HDAC9: variants seen among roughly 807,000 people sequenced by gnomAD.
The protein encoded by HDAC9 is histone deacetylase 9.
Under a neutral mutation model 139.4 loss-of-function variants are expected in HDAC9, and 41 were observed. The ratio of observed to expected loss-of-function variants is 0.29; its 90% CI spans 0.23 to 0.38. The LOEUF (loss-of-function observed/expected upper bound fraction) is 0.38, where lower values mean the gene tolerates loss of function less well. HDAC9 is among the 10% of genes least tolerant of loss of function. The probability of loss-of-function intolerance (pLI) is 1.00; values close to 1 mark genes in which losing one functional copy is unlikely to be tolerated. For synonymous variants in HDAC9, 517 were observed against 476.2 expected (o/e 1.09, Z -1.12); for missense variants, 1,147 against 1,297.0 (o/e 0.88, Z 1.78).
chr7:18,666,079 A>G (rs999596851), intron 11 of HDAC9, 134 bp from the exon 12 acceptor site: 6 of 976,164 alleles, frequency 6.1e-6, no homozygotes, highest in East Asian at 2.6e-5. Context: ...CTTGTTGCCT[A>G]CAAGTTCATT....
At chr7:18,919,563 T>C (rs928292383) in intron 22 of HDAC9, among the ~76,000 whole-genome samples, 1 of 151,992 alleles carries the variant, frequency 6.6e-6, no homozygotes, top group Non-Finnish European at 1.5e-5. Flanking sequence ...AACCCATTGA[T>C]GTAAATTCAT....
chr7:18,942,388 G>A (rs989304250), intron 23 of HDAC9, among the ~76,000 whole-genome samples: 3 of 151,976 alleles, frequency 2.0e-5, no homozygotes, highest in Admixed American at 1.3e-4. Context: ...TTTTGGTAGA[G>A]GAGAGGTATG....
At chr7:18,194,995 T>C (rs1790625907) in intron 2 of HDAC9, among the ~76,000 whole-genome samples, 1 of 152,076 alleles carries the variant, frequency 6.6e-6, no homozygotes, top group Admixed American at 6.6e-5. Flanking sequence ...GAAAGGTTGG[T>C]TTAAGAGTTC....
rs375299964 is a variant in HDAC9 at position 18,525,957 on chromosome 7, A to G, written c.22+29633A>G. Among the ~76,000 whole-genome samples, 21 of 152,306 alleles carry G rather than the reference A, an allele frequency of 1.4e-4. No homozygotes were observed. In the East Asian group the frequency reaches 4.1e-3, roughly 29 times the overall value. On this transcript the variant is annotated intron_variant, in intron 2 of 25. Coordinates refer to ENST00000686413, the MANE Select transcript of HDAC9 (RefSeq NM_178425.4). ...CAGCAGTCCACATTCTCTCACCACC[A>G]AAGACATAATGTCTTGTGGCTTCCC...
chr7:18,928,849 G>C (rs529249662), intron 22 of HDAC9, among the ~76,000 whole-genome samples: 23 of 151,714 alleles, frequency 1.5e-4, no homozygotes, highest in African/African-American at 5.3e-4. Flanking sequence ...TCAAATAAAA[G>C]ATAACACTTT....
At chr7:18,666,156 C>T in intron 11 of HDAC9, 57 bp from the exon 12 acceptor site, 1 of 1,498,894 alleles carries the variant, frequency 6.7e-7, no homozygotes, top group South Asian at 1.3e-5. Flanking sequence ...GTGTAATTTG[C>T]TTCTCTGTTA....
At chr7:18,505,007 G>T (rs1458806795) in intron 2 of HDAC9, among the ~76,000 whole-genome samples, 1 of 152,162 alleles carries the variant, frequency 6.6e-6, no homozygotes, top group African/African-American at 2.4e-5. Flanking sequence ...GCACAAATAG[G>T]CAAGCATGTT....
intron 1 of HDAC9, among the ~76,000 whole-genome samples, chr7:18,400,815 C>G (rs775762374): frequency 3.9e-5 from 6 of 152,184 alleles, no homozygotes; most frequent in Non-Finnish European, 8.8e-5. Flanking sequence ...CAGTGACATT[C>G]CCCTTCAAAA....
chr7:18,170,759 T>C (rs899857522), intron 2 of HDAC9, among the ~76,000 whole-genome samples: 1 of 152,314 alleles, frequency 6.6e-6, no homozygotes, highest in Non-Finnish European at 1.5e-5. Flanking sequence ...TGGTTGTAGA[T>C]GTGTGGTGTT....
At chr7:18,148,547 C>T (rs754976263) in intron 1 of HDAC9, among the ~76,000 whole-genome samples, 1 of 152,190 alleles carries the variant, frequency 6.6e-6, no homozygotes, top group Non-Finnish European at 1.5e-5. Flanking sequence ...ACCTCCGCCT[C>T]CCGGGCTCAT....
intron 24 of HDAC9, among the ~76,000 whole-genome samples, chr7:18,972,641 A>G (rs1205712736): frequency 6.6e-6 from 1 of 152,018 alleles, no homozygotes; most frequent in Non-Finnish European, 1.5e-5. Context: ...TCAGCCTCCC[A>G]AAGTGCTGGG....
intron 22 of HDAC9, among the ~76,000 whole-genome samples, chr7:18,920,010 G>A (rs1238794901): frequency 6.6e-6 from 1 of 152,066 alleles, no homozygotes; most frequent in African/African-American, 2.4e-5. Context: ...GAACTTTAAC[G>A]TGGTTTTTTC....
intron 1 of HDAC9, among the ~76,000 whole-genome samples, chr7:18,293,383 T>C (rs2128225966): frequency 6.6e-6 from 1 of 152,108 alleles, no homozygotes; most frequent in African/African-American, 2.4e-5. Context: ...ATGGAACCCA[T>C]CATTCTCAGC....
intron 21 of HDAC9, among the ~76,000 whole-genome samples, chr7:18,840,800 A>G (rs1407314397): frequency 2.0e-5 from 3 of 152,086 alleles, no homozygotes; most frequent in Non-Finnish European, 2.9e-5. Context: ...GTGATTGGAA[A>G]TCTGTCCAGA....
intron 22 of HDAC9, among the ~76,000 whole-genome samples, chr7:18,911,642 C>G (rs1249550445): frequency 6.6e-6 from 1 of 151,534 alleles, no homozygotes; most frequent in Non-Finnish European, 1.5e-5. Flanking sequence ...TTGCTATAAA[C>G]TGCCCTCTTA....
chr7:18,494,780 A>G (rs1369867201), upstream of HDAC9, among the ~76,000 whole-genome samples: 4 of 151,976 alleles, frequency 2.6e-5, no homozygotes, highest in Non-Finnish European at 5.9e-5. Flanking sequence ...CAGAACAGTC[A>G]TAGTTGGGTA....
intron 3 of HDAC9, among the ~76,000 whole-genome samples, chr7:18,586,932 A>C (rs1351214881): frequency 6.6e-6 from 1 of 152,144 alleles, no homozygotes; most frequent in Non-Finnish European, 1.5e-5. Context: ...ACAATAATAG[A>C]AACATTGATA....
At chr7:18,965,908 C>G (rs1049320560) in intron 24 of HDAC9, among the ~76,000 whole-genome samples, 1 of 152,186 alleles carries the variant, frequency 6.6e-6, no homozygotes, top group Non-Finnish European at 1.5e-5. Flanking sequence ...GGATGAGGCC[C>G]TGACAGTGGC....
At chr7:18,809,791 C>G (rs965994416) in intron 17 of HDAC9, among the ~76,000 whole-genome samples, 4 of 151,862 alleles carry the variant, frequency 2.6e-5, no homozygotes, top group Non-Finnish European at 4.4e-5. Context: ...GGAAATTTAT[C>G]ATTATGGAAA....
Sources: allele counts gnomAD v4.1 joint callset (sites outside exome capture counted in the v4.1 genomes callset), GRCh38; gene constraint gnomAD v4.1.1; transcripts MANE v1.5; gene names NCBI Gene and HGNC (gene_info 2026-07-23, HGNC 2026-07-21).